The following DMD variants were observed in gnomAD, a reference collection of about 807,000 sequenced individuals.
DMD encodes dystrophin, also known as mutant dystrophin.
A neutral mutation model predicts 330.1 loss-of-function variants in DMD; 63 were observed. That is an observed-to-expected ratio of 0.19 (90% CI 0.16 to 0.24). The LOEUF is 0.24. Among genes scored for constraint, DMD ranks in the 10% least tolerant of loss-of-function variants. The pLI, the probability that DMD is intolerant of heterozygous loss-of-function variation, is 1.00. For synonymous variants in DMD, 1,223 were observed against 959.8 expected (o/e 1.27, Z -5.07); for missense variants, 3,344 against 2,684.1 (o/e 1.25, Z -5.43).
At chrX:32,027,616 G>A (rs2095856029) in intron 44 of DMD, among the ~76,000 whole-genome samples, 1 of 111,786 alleles carries the variant, frequency 8.9e-6, no homozygotes. Flanking sequence ...CTTACACAAA[G>A]CACTGTGGAG....
chrX:32,238,390 G>A (rs189331353), intron 43 of DMD, among the ~76,000 whole-genome samples: 4 of 109,849 alleles, frequency 3.6e-5, no homozygotes, highest in Admixed American at 9.8e-5. Flanking sequence ...CTCAGCATAC[G>A]TGCATCTCCA....
intron 44 of DMD, among the ~76,000 whole-genome samples, chrX:31,983,474 C>A (rs1449607652): frequency 2.7e-5 from 3 of 111,200 alleles, no homozygotes; most frequent in Admixed American, 9.6e-5. Context: ...TAAACACAAA[C>A]AAATAAGGTT....
In DMD at chrX:33,124,144, C is replaced by T. The variant is rs181046019; in HGVS notation, c.31+87138G>A. ...TAGTGCCATTGCACTTCAGCCTGGG[C>T]GACAGAGGGAGACGCTGTCTCAAAA... On this transcript the variant is annotated intron_variant, in intron 1 of 78. Transcript: ENST00000357033. 4.8e-3 allele frequency among the ~76,000 whole-genome samples: 520 copies of T among 109,052 alleles called. 5 individuals carry two copies. The highest frequency in any genetic ancestry group is 0.034 in the Admixed American group (348 of 10,186). 94.7% of individuals were successfully genotyped at this position (109,052 alleles called of 115,157 possible). A position where few individuals can be genotyped will look rare whatever the true frequency, so the allele number is the denominator to read the frequency against.
At chrX:31,191,633 C>T (rs1184051492) in intron 67 of DMD, among the ~76,000 whole-genome samples, 4 of 111,801 alleles carry the variant, frequency 3.6e-5, no homozygotes, top group South Asian at 3.8e-4. Context: ...TAAGTTGTGA[C>T]TTGCTCCTCC....
At chrX:32,027,819 A>G (rs1021289467) in intron 44 of DMD, among the ~76,000 whole-genome samples, 1 of 112,707 alleles carries the variant, frequency 8.9e-6, no homozygotes, top group African/African-American at 3.2e-5. Context: ...CAAAGAGCAC[A>G]TCAGACCATT....
intron 42 of DMD, among the ~76,000 whole-genome samples, chrX:32,288,743 C>A (rs989586977): frequency 8.9e-6 from 1 of 111,825 alleles, no homozygotes; most frequent in Non-Finnish European, 1.9e-5. Context: ...TAAAGCAAAT[C>A]AGTCCTATGA....
intron 61 of DMD, 21 bp downstream of exon 61, chrX:31,348,535 T>C: frequency 8.4e-7 from 1 of 1,193,478 alleles, no homozygotes; most frequent in Non-Finnish European, 1.1e-6. Flanking sequence ...AGTTAAGTGA[T>C]AAAAGCTGAA....
At chrX:31,272,632 C>T (rs1417808970) in intron 62 of DMD, among the ~76,000 whole-genome samples, 1 of 112,311 alleles carries the variant, frequency 8.9e-6, no homozygotes, top group Admixed American at 9.4e-5. Flanking sequence ...AGGCCTCTAC[C>T]TTCCTCCCAC....
intron 59 of DMD, among the ~76,000 whole-genome samples, chrX:31,453,790 A>AAC (rs57895121): frequency 9.0e-5 from 9 of 100,145 alleles, no homozygotes; most frequent in Non-Finnish European, 1.4e-4. Context: ...AAAAAAAAAA[A>AAC]CCACAAAATA....
At chrX:31,513,723 G>A (rs2071891587) in intron 55 of DMD, among the ~76,000 whole-genome samples, 1 of 111,391 alleles carries the variant, frequency 9.0e-6, no homozygotes, top group South Asian at 3.8e-4. Context: ...AACCATAGCA[G>A]CAGCAGCAGC....
intron 2 of DMD, among the ~76,000 whole-genome samples, chrX:32,935,495 G>A (rs1487387871): frequency 2.7e-5 from 3 of 111,839 alleles, no homozygotes; most frequent in Non-Finnish European, 3.8e-5. Context: ...TGTGATCATA[G>A]TTAATTATTT....
chrX:31,638,637 A>C (rs912135982), intron 54 of DMD, among the ~76,000 whole-genome samples: 1 of 112,576 alleles, frequency 8.9e-6, no homozygotes, highest in Non-Finnish European at 1.9e-5. Context: ...TACTTGTCTA[A>C]AAGTTTTTCA....
intron 13 of DMD, among the ~76,000 whole-genome samples, chrX:32,575,507 C>A (rs912716747): frequency 8.9e-6 from 1 of 111,773 alleles, no homozygotes; most frequent in Non-Finnish European, 1.9e-5. Flanking sequence ...TGCGAGATAC[C>A]CACAGGAAAT....
chrX:32,716,538 C>G (rs1011206993), intron 7 of DMD, among the ~76,000 whole-genome samples: 3 of 111,085 alleles, frequency 2.7e-5, no homozygotes, highest in Admixed American at 9.6e-5. Context: ...TATAGCAATG[C>G]GAGAAAGGAC....
At chrX:32,881,731 C>T (rs1569538583) in intron 2 of DMD, among the ~76,000 whole-genome samples, 1 of 111,926 alleles carries the variant, frequency 8.9e-6, no homozygotes, top group African/African-American at 3.2e-5. Context: ...AATTATTTTC[C>T]ATATATCTTA....
intron 11 of DMD, among the ~76,000 whole-genome samples, chrX:32,616,135 G>T (rs2057546794): frequency 9.0e-6 from 1 of 110,725 alleles, no homozygotes; most frequent in Admixed American, 9.7e-5. Flanking sequence ...GCCATTTTAA[G>T]CACATTTTAT....
At chrX:31,445,825 T>A (rs2065229095) in intron 59 of DMD, among the ~76,000 whole-genome samples, 1 of 111,920 alleles carries the variant, frequency 8.9e-6, no homozygotes, top group Admixed American at 9.5e-5. Flanking sequence ...ATCTACCCTA[T>A]CGAGATGGCA....
intron 15 of DMD, among the ~76,000 whole-genome samples, chrX:32,568,996 T>C: frequency 8.9e-6 from 1 of 112,133 alleles, no homozygotes; most frequent in Non-Finnish European, 1.9e-5. Flanking sequence ...CAGAGACCCA[T>C]AGAGCTCTAG....
At chrX:32,225,874 TCTTTA>T (rs1380639747) in intron 43 of DMD, among the ~76,000 whole-genome samples, 2 of 111,423 alleles carry the variant, frequency 1.8e-5, no homozygotes, top group Non-Finnish European at 3.8e-5. Context: ...CAATTAAACC[TCTTTA>T]CTTTATAAAC....
Sources: allele counts gnomAD v4.1 joint callset (sites outside exome capture counted in the v4.1 genomes callset), GRCh38; gene constraint gnomAD v4.1.1; transcripts MANE v1.5; gene names NCBI Gene and HGNC (gene_info 2026-07-23, HGNC 2026-07-21).